The following GAS2 variants were observed in gnomAD, a reference collection of about 807,000 sequenced individuals.
GAS2 encodes the protein growth arrest-specific protein 2.
In GAS2, 20 loss-of-function variants were observed where a neutral mutation model predicts 37.5. That is an observed-to-expected ratio of 0.53 (90% CI 0.37 to 0.77). GAS2 has a LOEUF of 0.77. Among genes scored for constraint, GAS2 ranks in the 30% least tolerant of loss-of-function variants. The pLI is 0.00. For missense variants in GAS2, 336 were observed against 373.4 expected, an observed-to-expected ratio of 0.90 and a Z score of 0.82; for synonymous variants, 144 against 132.2, an observed-to-expected ratio of 1.09 and a Z score of -0.61.
chr11:22,654,173 C>T (rs192964826), intron 1 of GAS2, among the ~76,000 whole-genome samples: 214 of 152,206 alleles, frequency 1.4e-3, no homozygotes, highest in Middle Eastern at 6.8e-3. Flanking sequence ...TGTTTTACAT[C>T]GTTAATTCTG....
At chr11:22,800,277 T>G (rs536864037) in intron 7 of GAS2, among the ~76,000 whole-genome samples, 1 of 152,070 alleles carries the variant, frequency 6.6e-6, no homozygotes, top group Non-Finnish European at 1.5e-5. Flanking sequence ...ATTTTCCACA[T>G]TATGTATGCT....
chr11:22,644,011 T>G (rs1848660276), intron 1 of GAS2, among the ~76,000 whole-genome samples: 1 of 152,088 alleles, frequency 6.6e-6, no homozygotes, highest in Non-Finnish European at 1.5e-5. Context: ...CAAAATGTCT[T>G]AAGAGAATTA....
intron 3 of GAS2, among the ~76,000 whole-genome samples, chr11:22,690,841 C>T (rs894993575): frequency 1.3e-5 from 2 of 152,276 alleles, no homozygotes; most frequent in South Asian, 4.1e-4. Flanking sequence ...TTCCACAGTA[C>T]AAACCCCTTC....
intron 3 of GAS2, among the ~76,000 whole-genome samples, chr11:22,721,212 A>T (rs1237102955): frequency 6.6e-6 from 1 of 151,926 alleles, no homozygotes; most frequent in Non-Finnish European, 1.5e-5. Flanking sequence ...CTCCTCCCCA[A>T]CCTCACCATA....
At chr11:22,726,717 G>A (rs1157121320) in intron 4 of GAS2, among the ~76,000 whole-genome samples, 1 of 151,960 alleles carries the variant, frequency 6.6e-6, no homozygotes, top group Admixed American at 6.6e-5. Flanking sequence ...GGGCAAAATT[G>A]GTGCAAAATT....
At chr11:22,660,505 AT>A (rs1180376228) in intron 1 of GAS2, among the ~76,000 whole-genome samples, 2 of 152,206 alleles carry the variant, frequency 1.3e-5, no homozygotes, top group Non-Finnish European at 2.9e-5. Flanking sequence ...AGAGAGTGGT[AT>A]TTGTTAATCC....
intron 4 of GAS2, among the ~76,000 whole-genome samples, chr11:22,737,433 G>T (rs1425342255): frequency 6.6e-6 from 1 of 152,092 alleles, no homozygotes; most frequent in Non-Finnish European, 1.5e-5. Flanking sequence ...CATTTTTAGG[G>T]TGAGATTTCC....
rs1335309314 is a variant in GAS2 at position 22,666,624 on chromosome 11, C to T, written c.-296C>T. ...CCAAAAAAAGTAAGCATTTTACTTC[C>T]GCTCGGTCTATGAGGACTGATGAAA... is the stretch of plus-strand genomic sequence containing the variant. On this transcript the variant is annotated 5_prime_UTR_variant, in exon 1 of 8. Transcript: ENST00000454584. 1 of 152,244 alleles carries T rather than the reference C, an allele frequency of 6.6e-6. No homozygotes were observed. Among genetic ancestry groups the T allele is most frequent in the African/African-American group, 2.4e-5 (1 of 41,440 alleles). The allele number at this position is 152,244 out of a possible 1,614,324, so 9.4% of individuals were successfully genotyped here.
chr11:22,781,919 A>T (rs2134495508), intron 7 of GAS2, among the ~76,000 whole-genome samples: 1 of 152,194 alleles, frequency 6.6e-6, no homozygotes, highest in Admixed American at 6.5e-5. Context: ...TGTTGCATGG[A>T]CTCACCAGAT....
chr11:22,659,133 T>C (rs1195765422), intron 1 of GAS2, among the ~76,000 whole-genome samples: 2 of 152,154 alleles, frequency 1.3e-5, no homozygotes, highest in Non-Finnish European at 2.9e-5. Context: ...CTGTTCAAGT[T>C]TTATTTTGGG....
At chr11:22,670,863 C>T (rs1330648866) in intron 1 of GAS2, among the ~76,000 whole-genome samples, 1 of 152,088 alleles carries the variant, frequency 6.6e-6, no homozygotes, top group East Asian at 1.9e-4. Flanking sequence ...AGTGAAATCT[C>T]ATAGCCGACA....
intron 6 of GAS2, among the ~76,000 whole-genome samples, chr11:22,755,490 A>G (rs368607076): frequency 8.5e-5 from 13 of 152,260 alleles, no homozygotes; most frequent in African/African-American, 2.9e-4. Context: ...CTGGTTTTCA[A>G]TAGGTTGACC....
At position 22,710,834 on chromosome 11, in the gene GAS2, G is replaced by A. The variant is rs1169743770; in HGVS notation, c.268-15458G>A. Among the ~76,000 whole-genome samples, 3 of 152,124 alleles carry A rather than the reference G, an allele frequency of 2.0e-5. No homozygotes were observed. In the East Asian group the frequency reaches 5.8e-4, roughly 29 times the overall value. ...AATCACTGTTTTTCCTTCTGCAGAA[G>A]TATCATTAATTTTTTTTCCTTTAGT... On this transcript the variant is annotated intron_variant, in intron 3 of 7. Transcript: ENST00000454584.
At chr11:22,675,155 C>A in intron 2 of GAS2, 141 bp downstream of exon 2, 2 of 839,202 alleles carry the variant, frequency 2.4e-6, no homozygotes, top group Non-Finnish European at 3.5e-6. Flanking sequence ...TCTGGGAAAC[C>A]TGAAGCAGGT....
chr11:22,679,988 A>G (rs1849604830), intron 2 of GAS2, among the ~76,000 whole-genome samples: 1 of 152,176 alleles, frequency 6.6e-6, no homozygotes, highest in Non-Finnish European at 1.5e-5. Flanking sequence ...AGCAATATGT[A>G]ACATTTCATT....
At chr11:22,776,758 C>T (rs553204416) in intron 7 of GAS2, among the ~76,000 whole-genome samples, 1 of 152,258 alleles carries the variant, frequency 6.6e-6, no homozygotes, top group East Asian at 1.9e-4. Context: ...TCAAAAGTTC[C>T]AGCCTTCTTT....
At chr11:22,786,666 T>C (rs1482004805) in intron 7 of GAS2, among the ~76,000 whole-genome samples, 1 of 152,090 alleles carries the variant, frequency 6.6e-6, no homozygotes, top group Non-Finnish European at 1.5e-5. Context: ...TGTGTGGAAA[T>C]AGACAAAAAT....
intron 7 of GAS2, among the ~76,000 whole-genome samples, chr11:22,799,282 G>A (rs919029546): frequency 2.6e-5 from 4 of 151,976 alleles, no homozygotes; most frequent in African/African-American, 9.7e-5. Context: ...GGGAACCATG[G>A]CACTTAAGCA....
At chr11:22,733,164 T>A (rs915356311) in intron 4 of GAS2, among the ~76,000 whole-genome samples, 1 of 151,212 alleles carries the variant, frequency 6.6e-6, no homozygotes, top group African/African-American at 2.4e-5. Context: ...CATAAAGGAG[T>A]GCAAGTAGAA....
Sources: gnomAD v4.1 joint callset for allele counts (sites outside exome capture counted in the v4.1 genomes callset) on GRCh38, gnomAD v4.1.1 for gene constraint, MANE v1.5 for transcripts, NCBI Gene and HGNC (gene_info 2026-07-23, HGNC 2026-07-21) for gene names.